DNAJB1: variants seen among roughly 807,000 people sequenced by gnomAD.
DNAJB1 encodes dnaJ homolog subfamily B member 1.
Under a neutral mutation model 24.0 loss-of-function variants are expected in DNAJB1, and 14 were observed. That is an observed-to-expected ratio of 0.58 (90% CI 0.39 to 0.91). The LOEUF (loss-of-function observed/expected upper bound fraction) is 0.91, where lower values mean the gene tolerates loss of function less well. Ranked by LOEUF, DNAJB1 falls within the 40% of genes least tolerant of loss-of-function variation. DNAJB1 has a pLI of 0.00. For missense variants in DNAJB1, 517 were observed against 458.1 expected (o/e 1.13, Z -1.17); for synonymous variants, 262 against 174.4 (o/e 1.50, Z -3.96).
chr19:14,517,994 C>T, intron 1 of DNAJB1, 145 bp downstream of exon 1: 1 of 891,822 alleles, frequency 1.1e-6, no homozygotes, highest in Non-Finnish European at 1.5e-6. Context: ...AATCCGAGGG[C>T]GGAGGCCCGC....
upstream of DNAJB1, among the ~76,000 whole-genome samples, chr19:14,553,033 A>G (rs947396741): frequency 3.9e-5 from 6 of 151,924 alleles, no homozygotes; most frequent in African/African-American, 7.2e-5. Flanking sequence ...ACCACTGAGA[A>G]TGGGGGGCAG....
intron 2 of DNAJB1, among the ~76,000 whole-genome samples, chr19:14,526,903 G>T (rs2072434541): frequency 1.3e-5 from 2 of 152,044 alleles, no homozygotes; most frequent in Admixed American, 6.6e-5. Flanking sequence ...AATCTGATAG[G>T]ATTTTAACTG....
In DNAJB1 at chr19:14,517,307, C is replaced by CCACT. The variant is rs2072286344; in HGVS notation, c.212-265_212-262dup. ...ACCTCCAGGTGCCACCTAGGCCCTG[C>CCACT]CACTCCTGGACTGACCCATCCTCCT... On this transcript the variant is annotated intron_variant, in intron 1 of 2. Transcript: ENST00000254322. The CCACT allele has an allele frequency of 1.5e-5, 7 of 477,284 alleles. No individual in the cohort carries two copies. The South Asian group carries it at 2.0e-4, about 14-fold the overall frequency. The allele number at this position is 477,284 out of a possible 1,614,324, so 29.6% of individuals were successfully genotyped here.
upstream of DNAJB1, among the ~76,000 whole-genome samples, chr19:14,534,699 A>G (rs1463872235): frequency 6.6e-6 from 1 of 151,900 alleles, no homozygotes; most frequent in Non-Finnish European, 1.5e-5. Context: ...GGCATCCCAA[A>G]GTGCTGGGAT....
upstream of DNAJB1, among the ~76,000 whole-genome samples, chr19:14,553,444 CG>C (rs2073609317): frequency 6.6e-6 from 1 of 152,100 alleles, no homozygotes; most frequent in African/African-American, 2.4e-5. Flanking sequence ...TGTGGCGCCT[CG>C]GGGAGGCTGG....
upstream of DNAJB1, chr19:14,518,483 CCG>C (rs1255308620): frequency 9.1e-6 from 6 of 661,156 alleles, no homozygotes; most frequent in Non-Finnish European, 1.3e-5. Flanking sequence ...TCCGCCCCGC[CCG>C]CCCCCGCGGC....
At position 14,515,934 on chromosome 19, in the gene DNAJB1, A is replaced by G. The variant is rs374890889; in HGVS notation, c.*6T>C. The stretch of plus-strand genomic sequence containing the variant: ...TCCCTGGTCAGTCCTTGGGGAGCTC[A>G]GATAGCTATATTGGAAGAACCTGCT... On this transcript the variant is annotated 3_prime_UTR_variant, in exon 3 of 3. Transcript: ENST00000254322. 1.0e-4 allele frequency: 168 copies of G among 1,604,826 alleles called. No homozygotes were observed. In the African/African-American group the frequency reaches 2.2e-3, roughly 21 times the overall value.
chr19:14,538,248 A>G (rs572640130), intron 1 of DNAJB1, among the ~76,000 whole-genome samples: 3 of 152,044 alleles, frequency 2.0e-5, no homozygotes, highest in African/African-American at 7.2e-5. Flanking sequence ...GGAAAGAATC[A>G]AGTGTGTGGT....
chr19:14,560,217 TG>T (rs1219060219), exon 1 of DNAJB1, among the ~76,000 whole-genome samples: 1 of 152,150 alleles, frequency 6.6e-6, no homozygotes, highest in Non-Finnish European at 1.5e-5. Flanking sequence ...GTGCCCAGGT[TG>T]GGGGGAGCAG....
Position 14,515,969 on chromosome 19 carries a change from T to C in DNAJB1, c.994A>G (p.Thr332Ala). 6.2e-7 allele frequency: 1 copy of C among 1,609,882 alleles called. No homozygotes were observed. Among genetic ancestry groups the C allele is most frequent in the Non-Finnish European group, 8.5e-7 (1 of 1,178,912 alleles). Residue 332 changes from threonine (T) to alanine (A), a missense_variant, in exon 3 of 3, where the codon ACC (threonine) becomes GCC (alanine). Coordinates refer to ENST00000254322, the MANE Select transcript of DNAJB1 (RefSeq NM_006145.3). Reference protein sequence around the residue: ...FPERIPQTSRTVLEQVLPI With the variant: ...FPERIPQTSRAVLEQVLPI ...ATTGGAAGAACCTGCTCAAGTACGGTTCTTGATGTCTGGGGAATCCTTTCG... is the reference window on the plus strand; with the variant it reads ...ATTGGAAGAACCTGCTCAAGTACGGCTCTTGATGTCTGGGGAATCCTTTCG...
chr19:14,518,027 CG>C, intron 1 of DNAJB1, 111 bp downstream of exon 1: 1 of 1,192,008 alleles, frequency 8.4e-7, no homozygotes, highest in Non-Finnish European at 1.1e-6. Flanking sequence ...CGGGGCAGCT[CG>C]GCCCCACGGC....
upstream of DNAJB1, among the ~76,000 whole-genome samples, chr19:14,533,587 G>C (rs941741148): frequency 6.6e-6 from 1 of 152,198 alleles, no homozygotes; most frequent in Admixed American, 6.6e-5. Flanking sequence ...AGGACGTGCT[G>C]ACTGTCACGC....
chr19:14,515,001 C>T lies in DNAJB1; in HGVS notation c.*939G>A, dbSNP rs1354023379. 6.6e-6 allele frequency: 1 copy of T among 152,586 alleles called. No homozygotes were observed. Among genetic ancestry groups the T allele is most frequent in the East Asian group, 1.9e-4 (1 of 5,184 alleles). 9.5% of individuals were successfully genotyped at this position (152,586 alleles called of 1,614,324 possible). On this transcript the variant is annotated 3_prime_UTR_variant, in exon 3 of 3. Coordinates refer to ENST00000254322, the MANE Select transcript of DNAJB1 (RefSeq NM_006145.3). ...CCGGGGACAGGTTTTGAGTGTACAC[C>T]AACTATACATGGAATTATAAAAACA... is the stretch of plus-strand genomic sequence containing the variant.
In DNAJB1 at chr19:14,514,784, G is replaced by A. The variant is rs1474812663; in HGVS notation, c.*1156C>T. 2 of 152,676 alleles carry A rather than the reference G, an allele frequency of 1.3e-5. No individual in the cohort carries two copies. Among genetic ancestry groups the A allele is most frequent in the South Asian group, 2.1e-4 (1 of 4,830 alleles). The allele number at this position is 152,676 out of a possible 1,614,324, so 9.5% of individuals were successfully genotyped here. On this transcript the variant is annotated 3_prime_UTR_variant, in exon 3 of 3. Transcript: ENST00000254322. ...ACCGCTCCCCTGAGGTTTAGCATCA[G>A]TCTTTAATGCTGTCGCACTTCATTG...
chr19:14,558,761 C>T (rs1024841115), intron 1 of DNAJB1, among the ~76,000 whole-genome samples: 2 of 152,204 alleles, frequency 1.3e-5, no homozygotes, highest in Non-Finnish European at 2.9e-5. Context: ...CATCTCAGCC[C>T]CTCCCAGCCC....
upstream of DNAJB1, chr19:14,531,776 G>A (rs959795955): frequency 2.0e-5 from 3 of 152,156 alleles, no homozygotes; most frequent in African/African-American, 7.2e-5. Context: ...TATCAAGAAT[G>A]AGGAGGTTTG....
chr19:14,521,399 C>A, upstream of DNAJB1, among the ~76,000 whole-genome samples: 1 of 151,230 alleles, frequency 6.6e-6, no homozygotes, highest in East Asian at 2.0e-4. Flanking sequence ...GCAGAGGTTG[C>A]AGTGAGCCAA....
chr19:14,553,724 G>A (rs972826078), upstream of DNAJB1, among the ~76,000 whole-genome samples: 4 of 152,162 alleles, frequency 2.6e-5, no homozygotes, highest in East Asian at 1.9e-4. Context: ...TGATGGGGGC[G>A]AGGTGGCCGG....
chr19:14,516,550 G>A lies in DNAJB1; in HGVS notation c.708C>T (p.Val236=). The A allele has an allele frequency of 1.9e-6, 3 of 1,614,224 alleles. No homozygotes were observed. The highest frequency in any genetic ancestry group is 1.1e-5 in the South Asian group (1 of 91,088). ...QTSNNIPADI[V]FVLKDKPHNI... ...TGTGGGGCTTGTCCTTTAAAACAAA[G>A]ACGATATCAGCTGGAATGTTGTTGG... The change falls in exon 2 of 3, where the codon GTC becomes GTT. Residue 236 remains valine (V), a synonymous_variant. Transcript: ENST00000254322.
Sources: gnomAD v4.1 joint callset for allele counts (sites outside exome capture counted in the v4.1 genomes callset) on GRCh38, gnomAD v4.1.1 for gene constraint, MANE v1.5 for transcripts, NCBI Gene and HGNC (gene_info 2026-07-23, HGNC 2026-07-21) for gene names.